The following ABCA6 variants were observed in gnomAD, a reference collection of about 807,000 sequenced individuals.
ABCA6 encodes the protein ATP-binding cassette sub-family A member 6.
In ABCA6, 164 loss-of-function variants were observed where a neutral mutation model predicts 191.2. That is an observed-to-expected ratio of 0.86 (90% CI 0.76 to 0.98). The LOEUF is 0.98. Ranked by LOEUF, ABCA6 falls within the 50% of genes least tolerant of loss-of-function variation. The pLI is 0.00. For synonymous variants in ABCA6, 636 were observed against 647.7 expected, an observed-to-expected ratio of 0.98 and a Z score of 0.27; for missense variants, 1,958 against 1,894.1, an observed-to-expected ratio of 1.03 and a Z score of -0.63.
At chr17:69,107,155 C>T (rs185898463) in intron 18 of ABCA6, among the ~76,000 whole-genome samples, 1 of 152,000 alleles carries the variant, frequency 6.6e-6, no homozygotes, top group Non-Finnish European at 1.5e-5. Context: ...CATTTGTAAA[C>T]CAGTGCCAAT....
intron 25 of ABCA6, chr17:69,095,503 T>C (rs1053021852): frequency 1.3e-5 from 2 of 152,176 alleles, no homozygotes; most frequent in African/African-American, 2.4e-5. Flanking sequence ...AGTCAGTGGG[T>C]CGTATAGGTT....
At chr17:69,135,749 C>T in intron 4 of ABCA6, 1 of 394,334 alleles carries the variant, frequency 2.5e-6, no homozygotes, top group Admixed American at 4.4e-5. Context: ...GTCTAAGTGC[C>T]CATGAAACAC....
intron 38 of ABCA6, 67 bp downstream of exon 38, chr17:69,079,143 C>A: frequency 6.3e-7 from 1 of 1,578,834 alleles, no homozygotes; most frequent in South Asian, 1.1e-5. Context: ...TCCAAATGAA[C>A]AGGAAAATGC....
rs908507953 is a variant in ABCA6 at position 69,112,406 on chromosome 17, C to T, written c.2042-133G>A. 6 of 598,448 alleles carry T rather than the reference C, an allele frequency of 1.0e-5. No individual in the cohort carries two copies. The African/African-American group carries it at 1.1e-4, about 11-fold the overall frequency. The allele number at this position is 598,448 out of a possible 1,614,324, so 37.1% of individuals were successfully genotyped here. A position where few individuals can be genotyped will look rare whatever the true frequency, so the allele number is the denominator to read the frequency against. ...ACAGGGTATAACTAGATCTAGTGTGCATTTTAACATTTGAAATACATATTA... is the reference window on the plus strand; with the variant it reads ...ACAGGGTATAACTAGATCTAGTGTGTATTTTAACATTTGAAATACATATTA... On this transcript the variant is annotated intron_variant, in intron 15 of 38. Transcript: ENST00000284425.
intron 6 of ABCA6, among the ~76,000 whole-genome samples, chr17:69,132,965 T>A (rs533362365): frequency 2.0e-5 from 3 of 152,298 alleles, no homozygotes; most frequent in South Asian, 4.1e-4. Context: ...ACATAGCACA[T>A]ATGTATGTGT....
At chr17:69,079,938 C>T (rs759621306) in intron 37 of ABCA6, among the ~76,000 whole-genome samples, 13 of 152,186 alleles carry the variant, frequency 8.5e-5, no homozygotes, top group Non-Finnish European at 1.3e-4. Flanking sequence ...AAATAGGGAG[C>T]GCTAGGCACT....
intron 38 of ABCA6, 63 bp downstream of exon 38, chr17:69,079,147 A>T (rs1196548382): frequency 5.7e-6 from 9 of 1,585,526 alleles, no homozygotes; most frequent in African/African-American, 1.4e-5. Context: ...AATGAACAGG[A>T]AAATGCATGT....
At chr17:69,139,612 A>T (rs2073998559) in intron 2 of ABCA6, among the ~76,000 whole-genome samples, 1 of 152,186 alleles carries the variant, frequency 6.6e-6, no homozygotes, top group Non-Finnish European at 1.5e-5. Flanking sequence ...TACCCAAAGG[A>T]CTACAAATCA....
chr17:69,100,718 T>C, intron 22 of ABCA6, 79 bp downstream of exon 22: 1 of 1,377,356 alleles, frequency 7.3e-7, no homozygotes. Context: ...CACTTATGGA[T>C]ATTTAAAAGC....
intron 28 of ABCA6, among the ~76,000 whole-genome samples, chr17:69,087,794 A>T (rs2072836489): frequency 6.6e-6 from 1 of 152,162 alleles, no homozygotes; most frequent in Admixed American, 6.6e-5. Context: ...ATCACACCAG[A>T]TGTTTTTTCA....
rs752169862 is a variant in ABCA6, at chr17:69,083,312, C to T, written c.4375G>A (p.Val1459Ile). The change falls in exon 35 of 39, where the codon GTT (valine) becomes ATT (isoleucine). Residue 1459 changes from valine (V) to isoleucine (I), a missense_variant. Coordinates refer to ENST00000284425, the MANE Select transcript of ABCA6 (RefSeq NM_080284.3). The stretch of plus-strand genomic sequence containing the variant: ...AGGACACCTCTCTCTGTGTTTTTAA[C>T]GACTGCCTGGATTGCCTGCCTGCAG... ...QQMWQAIQAV[V>I]KNTERGVLLT... is the part of the protein sequence containing the mutation. 4.3e-5 allele frequency: 68 copies of T among 1,595,750 alleles called. No individual in the cohort carries two copies. Among genetic ancestry groups the T allele is most frequent in the Middle Eastern group, 1.7e-4 (1 of 5,992 alleles).
chr17:69,096,161 G>A lies in ABCA6; in HGVS notation c.3408+79C>T, dbSNP rs2144634632. 4.8e-6 allele frequency: 3 copies of A among 618,916 alleles called. No individual in the cohort carries two copies. In the East Asian group the frequency reaches 1.0e-4, roughly 21 times the overall value. 38.3% of individuals were successfully genotyped at this position (618,916 alleles called of 1,614,324 possible). On this transcript the variant is annotated intron_variant, in intron 25 of 38. Coordinates refer to ENST00000284425, the MANE Select transcript of ABCA6 (RefSeq NM_080284.3). ...TATTAATTTTCCCTACTGTCTTAAG[G>A]CAGACATCTGTATTTAAGATTACAT...
Position 69,087,293 on chromosome 17 carries a change from C to G in ABCA6, c.3819+60G>C, listed in dbSNP as rs1047398685. On this transcript the variant is annotated intron_variant, in intron 29 of 38. Transcript: ENST00000284425. ...AAAATGAAACCCAGTGTATCAAATC[C>G]TGCTCTTGACAGTTCTTGAATATCT... 9.5e-6 allele frequency: 15 copies of G among 1,584,854 alleles called. No individual in the cohort carries two copies. The African/African-American group carries it at 1.8e-4, about 19-fold the overall frequency.
chr17:69,135,125 T>G, intron 4 of ABCA6: 1 of 190,790 alleles, frequency 5.2e-6, no homozygotes, highest in Non-Finnish European at 1.1e-5. Flanking sequence ...AGGTGATCCG[T>G]GCACCTCGGC....
Position 69,096,735 on chromosome 17 carries a change from G to C in ABCA6, c.3187C>G (p.Leu1063Val). The C allele has an allele frequency of 6.3e-7, 1 of 1,590,244 alleles. No homozygotes were observed. The highest frequency in any genetic ancestry group is 1.2e-5 in the South Asian group (1 of 86,152). The change falls in exon 24 of 39, where the codon CTA becomes GTA. Residue 1063 changes from leucine to valine, a missense_variant. Transcript: ENST00000284425. ...YTSAYWCGQA[L>V]VDVSFFILIL... ...AAAATGAAGAAGCTGACGTCCACTAGTGCCTGCCCACACCAGTAAGCAGAA... is the reference window on the plus strand; with the variant it reads ...AAAATGAAGAAGCTGACGTCCACTACTGCCTGCCCACACCAGTAAGCAGAA...
chr17:69,116,877 T>C (rs2073547587), intron 11 of ABCA6, among the ~76,000 whole-genome samples: 1 of 152,150 alleles, frequency 6.6e-6, no homozygotes, highest in Admixed American at 6.6e-5. Context: ...CCAATGCTTT[T>C]AATTTTTTAA....
chr17:69,122,544 T>A (rs769202336), intron 10 of ABCA6, among the ~76,000 whole-genome samples: 3 of 152,076 alleles, frequency 2.0e-5, no homozygotes, highest in Non-Finnish European at 4.4e-5. Context: ...TCATAAAATT[T>A]ACTCATTTTT....
intron 12 of ABCA6, 68 bp downstream of exon 12, chr17:69,115,308 G>C (rs1246092945): frequency 1.9e-6 from 2 of 1,080,352 alleles, no homozygotes; most frequent in Non-Finnish European, 2.6e-6. Context: ...AATTTAAAAT[G>C]AGAGGCATAT....
At chr17:69,118,012 G>T (rs958465368) in intron 10 of ABCA6, 56 bp from the exon 11 acceptor site, 3 of 1,212,564 alleles carry the variant, frequency 2.5e-6, no homozygotes, top group Non-Finnish European at 3.6e-6. Context: ...AATAGCACGG[G>T]CCATTTATAG....
Sources: allele counts gnomAD v4.1 joint callset (sites outside exome capture counted in the v4.1 genomes callset), GRCh38; gene constraint gnomAD v4.1.1; transcripts MANE v1.5; gene names NCBI Gene and HGNC (gene_info 2026-07-23, HGNC 2026-07-21).